The following LONP2 variants were observed in gnomAD, a reference collection of about 807,000 sequenced individuals.
LONP2 encodes lon peptidase 2, peroxisomal.
In LONP2, 60 loss-of-function variants were observed where a neutral mutation model predicts 85.6. The ratio of observed to expected loss-of-function variants is 0.70; its 90% CI spans 0.57 to 0.87. The LOEUF (loss-of-function observed/expected upper bound fraction) is 0.87. LONP2 is among the 40% of genes least tolerant of loss of function. The pLI, the probability that LONP2 is intolerant of heterozygous loss-of-function variation, is 0.00. For synonymous variants in LONP2, 395 were observed against 389.7 expected (o/e 1.01, Z -0.16); for missense variants, 860 against 1,063.5 (o/e 0.81, Z 2.66).
chr16:48,360,752 TA>T (rs1459190064), downstream of LONP2: 1 of 152,622 alleles, frequency 6.6e-6, no homozygotes, highest in Non-Finnish European at 1.5e-5. Flanking sequence ...GCAGTATTTA[TA>T]AAAATCAATT....
intron 11 of LONP2, among the ~76,000 whole-genome samples, chr16:48,321,918 C>T (rs1973273229): frequency 6.6e-6 from 1 of 151,552 alleles, no homozygotes; most frequent in Non-Finnish European, 1.5e-5. Flanking sequence ...ACACTGTACA[C>T]TTAGCCTGTA....
At chr16:48,248,885 GAAA>G (rs768247989) in intron 1 of LONP2, among the ~76,000 whole-genome samples, 1,671 of 91,390 alleles carry the variant, frequency 0.018, 30 homozygotes, top group African/African-American at 0.061. Context: ...CTGTCTATAG[GAAA>G]AAAAAAAAAA....
At chr16:48,347,857 A>T (rs1960018539) in intron 13 of LONP2, 143 bp downstream of exon 13, 1 of 840,118 alleles carries the variant, frequency 1.2e-6, no homozygotes, top group African/African-American at 1.7e-5. Context: ...CCTAGTTCCC[A>T]TTTCAGGACT....
At chr16:48,322,407 A>G (rs1212815629) in intron 11 of LONP2, among the ~76,000 whole-genome samples, 2 of 152,230 alleles carry the variant, frequency 1.3e-5, no homozygotes, top group East Asian at 3.8e-4. Context: ...GAACTAGGTC[A>G]GGATCTTCAG....
intron 9 of LONP2, among the ~76,000 whole-genome samples, chr16:48,298,701 A>T (rs1972732616): frequency 6.6e-6 from 1 of 151,166 alleles, no homozygotes; most frequent in Non-Finnish European, 1.5e-5. Flanking sequence ...GGCTAAAAAG[A>T]TGCATTTATT....
intron 9 of LONP2, 117 bp from the exon 10 acceptor site, chr16:48,299,545 G>A: frequency 5.7e-6 from 6 of 1,056,072 alleles, no homozygotes; most frequent in Non-Finnish European, 8.2e-6. Context: ...TCACGCCACT[G>A]CACTGCAGCC....
chr16:48,329,375 C>T (rs1302665151), intron 11 of LONP2, among the ~76,000 whole-genome samples: 4 of 152,158 alleles, frequency 2.6e-5, no homozygotes, highest in Non-Finnish European at 5.9e-5. Flanking sequence ...GTATGACTCC[C>T]GCCCCTTTAG....
intron 8 of LONP2, among the ~76,000 whole-genome samples, chr16:48,286,184 C>T (rs1972438335): frequency 6.6e-6 from 1 of 151,068 alleles, no homozygotes; most frequent in Admixed American, 6.6e-5. Flanking sequence ...CCATGTTGCC[C>T]AGGCTGGAGT....
At chr16:48,299,536 C>T in intron 9 of LONP2, 126 bp from the exon 10 acceptor site, 1 of 898,200 alleles carries the variant, frequency 1.1e-6, no homozygotes, top group Non-Finnish European at 1.7e-6. Context: ...GAGCCGAGAT[C>T]ACGCCACTGC....
At chr16:48,346,353 A>G (rs1474863831) in intron 12 of LONP2, among the ~76,000 whole-genome samples, 4 of 152,150 alleles carry the variant, frequency 2.6e-5, no homozygotes, top group Admixed American at 6.5e-5. Context: ...GAGAGTTAAC[A>G]TTACTGATTT....
chr16:48,319,901 G>A (rs1172246204), intron 11 of LONP2, among the ~76,000 whole-genome samples: 3 of 152,034 alleles, frequency 2.0e-5, no homozygotes, highest in Non-Finnish European at 2.9e-5. Flanking sequence ...GGTGGCTCAC[G>A]CCTTTAATCC....
intron 11 of LONP2, among the ~76,000 whole-genome samples, chr16:48,309,638 T>C (rs1972987466): frequency 6.6e-6 from 1 of 152,166 alleles, no homozygotes; most frequent in Non-Finnish European, 1.5e-5. Context: ...TTAATTTACA[T>C]GTGTTTGTAT....
intron 2 of LONP2, 108 bp downstream of exon 2, chr16:48,252,473 A>G (rs1567307860): frequency 1.6e-6 from 1 of 623,700 alleles, no homozygotes; most frequent in Non-Finnish European, 2.7e-6. Flanking sequence ...GTATACATTT[A>G]AATGAGTTAG....
chr16:48,266,717 T>A (rs1266088679), intron 6 of LONP2, among the ~76,000 whole-genome samples: 2 of 152,232 alleles, frequency 1.3e-5, no homozygotes, highest in Non-Finnish European at 1.5e-5. Context: ...AGTTGTATTC[T>A]GTTGTATGGA....
chr16:48,261,405 T>A lies in LONP2; in HGVS notation c.724-19T>A. ...ATTTATTTTGACATACGGTTTTACT[T>A]TTCTGCTTTCTATGTTAGGTTATAG... On this transcript the variant is annotated intron_variant, in intron 4 of 14. Coordinates refer to ENST00000285737, the MANE Select transcript of LONP2 (RefSeq NM_031490.5). 6.5e-7 allele frequency: 1 copy of A among 1,549,100 alleles called. No individual in the cohort carries two copies. The highest frequency in any genetic ancestry group is 8.7e-7 in the Non-Finnish European group (1 of 1,145,744).
rs567231186 is a variant in LONP2 at position 48,276,649 on chromosome 16, G to A, written c.1242-689G>A. 1.5e-3 allele frequency among the ~76,000 whole-genome samples: 222 copies of A among 152,182 alleles called. 2 individuals are homozygous for A. The highest frequency in any genetic ancestry group is 5.1e-3 in the African/African-American group (213 of 41,518). On this transcript the variant is annotated intron_variant, in intron 7 of 14. Transcript: ENST00000285737. Reference sequence around the variant, plus strand: ...ATAAAGCAGGCTCTCACATTTTAACGTTCAACAAAATACCTGGCTGGCTGA... The same window carrying A: ...ATAAAGCAGGCTCTCACATTTTAACATTCAACAAAATACCTGGCTGGCTGA...
intron 11 of LONP2, among the ~76,000 whole-genome samples, chr16:48,309,430 A>G (rs1972981965): frequency 6.6e-6 from 1 of 152,212 alleles, no homozygotes; most frequent in African/African-American, 2.4e-5. Flanking sequence ...ATATGGATGA[A>G]ACTGAAGGCT....
intron 8 of LONP2, among the ~76,000 whole-genome samples, chr16:48,286,804 CTT>C (rs112306337): frequency 7.0e-6 from 1 of 143,074 alleles, no homozygotes. Context: ...GCTGACTTCT[CTT>C]TTTTTTTTTT....
chr16:48,329,674 A>G (rs1227849882), intron 11 of LONP2, among the ~76,000 whole-genome samples: 1 of 152,174 alleles, frequency 6.6e-6, no homozygotes, highest in Non-Finnish European at 1.5e-5. Flanking sequence ...CCTGTGGAGA[A>G]GGGGTGACTA....
Sources: gnomAD v4.1 joint callset for allele counts (sites outside exome capture counted in the v4.1 genomes callset) on GRCh38, gnomAD v4.1.1 for gene constraint, MANE v1.5 for transcripts, NCBI Gene and HGNC (gene_info 2026-07-23, HGNC 2026-07-21) for gene names.